ANKS6: variants seen among roughly 807,000 people sequenced by gnomAD.
The protein encoded by ANKS6 is ankyrin repeat and sterile alpha motif domain containing 6, also known as ankyrin repeat and SAM domain-containing protein 6.
A neutral mutation model predicts 77.9 loss-of-function variants in ANKS6; 47 were observed. The ratio of observed to expected loss-of-function variants is 0.60; its 90% CI spans 0.48 to 0.77. ANKS6 has a LOEUF of 0.77. ANKS6 is among the 30% of genes least tolerant of loss of function. The pLI is 0.00. For synonymous variants in ANKS6, 488 were observed against 501.7 expected (o/e 0.97, Z 0.37); for missense variants, 1,150 against 1,159.1 (o/e 0.99, Z 0.11).
At chr9:98,779,865 T>C (rs1834137829) in intron 6 of ANKS6, among the ~76,000 whole-genome samples, 2 of 152,066 alleles carry the variant, frequency 1.3e-5, no homozygotes, top group African/African-American at 2.4e-5. Flanking sequence ...GGTTTCACCG[T>C]GTTAGCCAGG....
At chr9:98,763,929 T>G (rs114995871) in intron 11 of ANKS6, among the ~76,000 whole-genome samples, 1 of 152,090 alleles carries the variant, frequency 6.6e-6, no homozygotes, top group African/African-American at 2.4e-5. Context: ...CAAGTAGAAA[T>G]AGAACACCTG....
At chr9:98,771,100 G>T in intron 9 of ANKS6, 54 bp from the exon 10 acceptor site, 2 of 1,438,892 alleles carry the variant, frequency 1.4e-6, no homozygotes. Flanking sequence ...CCCTCCAGCC[G>T]TGCAGGATCA....
At chr9:98,742,544 T>C (rs1165546665) in intron 14 of ANKS6, among the ~76,000 whole-genome samples, 1 of 152,206 alleles carries the variant, frequency 6.6e-6, no homozygotes, top group East Asian at 1.9e-4. Context: ...CTTTATCTGG[T>C]ATTATTTACT....
At position 98,765,286 on chromosome 9, in the gene ANKS6, A is replaced by T. The variant is rs145008592; in HGVS notation, c.2142+2795T>A. ...TGGGGAAGAGGTGGGTAAATATAAGATTATTTGGGATTCTGTGAAATATTT... is the reference window on the plus strand; with the variant it reads ...TGGGGAAGAGGTGGGTAAATATAAGTTTATTTGGGATTCTGTGAAATATTT... On this transcript the variant is annotated intron_variant, in intron 11 of 14. Transcript: ENST00000353234. Among the ~76,000 whole-genome samples, 6 of 152,278 alleles carry T rather than the reference A, an allele frequency of 3.9e-5. No individual in the cohort carries two copies. The East Asian group carries it at 1.2e-3, about 29-fold the overall frequency.
At chr9:98,782,354 C>T in intron 5 of ANKS6, 113 bp downstream of exon 5, 1 of 941,134 alleles carries the variant, frequency 1.1e-6, no homozygotes, top group Middle Eastern at 2.3e-4. Context: ...GAGTGACTTT[C>T]CCCCACGAAT....
chr9:98,779,494 G>A (rs1434006773), intron 6 of ANKS6, among the ~76,000 whole-genome samples: 1 of 151,920 alleles, frequency 6.6e-6, no homozygotes. Context: ...TATAAATTAA[G>A]ATTCCATATC....
intron 10 of ANKS6, among the ~76,000 whole-genome samples, chr9:98,770,592 T>C (rs1241479057): frequency 1.3e-5 from 2 of 152,132 alleles, no homozygotes. Flanking sequence ...GGGTCTAACC[T>C]TCAGAGATTT....
At chr9:98,753,879 T>C (rs188303112) in intron 12 of ANKS6, among the ~76,000 whole-genome samples, 63 of 152,344 alleles carry the variant, frequency 4.1e-4, no homozygotes, top group Non-Finnish European at 7.9e-4. Context: ...TATATTTCTA[T>C]AATTCAGTTA....
At chr9:98,737,497 A>T (rs1203552332) in intron 14 of ANKS6, among the ~76,000 whole-genome samples, 2 of 152,222 alleles carry the variant, frequency 1.3e-5, no homozygotes, top group East Asian at 3.8e-4. Context: ...AAAATAAAAA[A>T]AAAAAATACT....
chr9:98,736,477 C>G lies in ANKS6; in HGVS notation c.*42G>C, dbSNP rs933082524. 9.6e-6 allele frequency: 15 copies of G among 1,563,114 alleles called. No individual in the cohort carries two copies. The highest frequency in any genetic ancestry group is 1.3e-5 in the Non-Finnish European group (15 of 1,152,486). On this transcript the variant is annotated 3_prime_UTR_variant, in exon 15 of 15. Transcript: ENST00000353234. ...GGGCTGTGGCCACGTGAAGGGGTCC[C>G]GGGATTCAGAGAGCTCACGCTGGTG...
At chr9:98,751,788 A>G (rs918428946) in intron 12 of ANKS6, among the ~76,000 whole-genome samples, 1 of 152,120 alleles carries the variant, frequency 6.6e-6, no homozygotes, top group African/African-American at 2.4e-5. Flanking sequence ...AGACAATAAG[A>G]AGGCTGACAG....
chr9:98,787,388 T>TA lies in ANKS6; in HGVS notation c.863-2513dup, dbSNP rs759474807. Among the ~76,000 whole-genome samples, 39 of 148,736 alleles carry TA rather than the reference T, an allele frequency of 2.6e-4. 1 individual carries two copies. In the South Asian group the frequency reaches 7.2e-3, roughly 27 times the overall value. On this transcript the variant is annotated intron_variant, in intron 2 of 14. Coordinates refer to ENST00000353234, the MANE Select transcript of ANKS6 (RefSeq NM_173551.5). ...TACACTGCCCTTTTTTTTTTTTTTT[T>TA]AACCCTGTGGCACTTACCACCTATC...
chr9:98,787,765 A>G (rs933408621), intron 2 of ANKS6, among the ~76,000 whole-genome samples: 1 of 152,236 alleles, frequency 6.6e-6, no homozygotes, highest in Non-Finnish European at 1.5e-5. Context: ...TGCAGGGCCA[A>G]TTAAGATGAC....
At position 98,732,646 on chromosome 9, in the gene ANKS6, C is replaced by T. The variant is rs1028710610; in HGVS notation, c.*3873G>A. The T allele has an allele frequency of 4.8e-5, 73 of 1,535,064 alleles. No individual in the cohort carries two copies. Among genetic ancestry groups the T allele is most frequent in the Admixed American group, 2.6e-4 (13 of 49,296 alleles). ...TCTTTGAGGTTTCCCACATCTGCACCGCTCCACAGTGTGAAAAGGGCTTTC... is the reference window on the plus strand; with the variant it reads ...TCTTTGAGGTTTCCCACATCTGCACTGCTCCACAGTGTGAAAAGGGCTTTC... On this transcript the variant is annotated 3_prime_UTR_variant, in exon 15 of 15. Transcript: ENST00000353234.
chr9:98,733,848 A>G lies in ANKS6; in HGVS notation c.*2671T>C, dbSNP rs1292735702. 11 of 985,192 alleles carry G rather than the reference A, an allele frequency of 1.1e-5. No homozygotes were observed. The highest frequency in any genetic ancestry group is 1.3e-5 in the Non-Finnish European group (11 of 829,906). The allele number at this position is 985,192 out of a possible 1,614,324, so 61.0% of individuals were successfully genotyped here. ...CACACCCTACGTTTCTTTATGAAAA[A>G]CCTATTATCCTGTGGAACTAGGGTT... On this transcript the variant is annotated 3_prime_UTR_variant, in exon 15 of 15. Coordinates refer to ENST00000353234, the MANE Select transcript of ANKS6 (RefSeq NM_173551.5).
At chr9:98,773,085 T>A (rs990391767) in intron 9 of ANKS6, among the ~76,000 whole-genome samples, 32 of 152,006 alleles carry the variant, frequency 2.1e-4, no homozygotes, top group Admixed American at 2.0e-3. Flanking sequence ...GTTCTACAAC[T>A]CCCCCGTTCC....
At chr9:98,741,974 TC>T (rs1831858827) in intron 14 of ANKS6, among the ~76,000 whole-genome samples, 1 of 152,240 alleles carries the variant, frequency 6.6e-6, no homozygotes, top group South Asian at 2.1e-4. Context: ...GTCCCTTCTA[TC>T]TGCAAAAGCA....
rs1831448893 is a variant in ANKS6, at chr9:98,735,499, G to A, written c.*1020C>T. On this transcript the variant is annotated 3_prime_UTR_variant, in exon 15 of 15. Transcript: ENST00000353234. ...ACTACACAAGCCAATTCCCTTTTGAGGAACACAGCATTAATAGGATGTAGA... is the reference window on the plus strand; with the variant it reads ...ACTACACAAGCCAATTCCCTTTTGAAGAACACAGCATTAATAGGATGTAGA... 8.1e-7 allele frequency: 1 copy of A among 1,227,740 alleles called. No individual in the cohort carries two copies. Among genetic ancestry groups the A allele is most frequent in the Non-Finnish European group, 1.0e-6 (1 of 986,186 alleles). 76.1% of individuals were successfully genotyped at this position (1,227,740 alleles called of 1,614,324 possible).
At chr9:98,749,007 C>A (rs1832289357) in intron 13 of ANKS6, among the ~76,000 whole-genome samples, 1 of 152,048 alleles carries the variant, frequency 6.6e-6, no homozygotes, top group South Asian at 2.1e-4. Flanking sequence ...CTGAGAAGTA[C>A]CCCTGAAGCT....
Sources: gnomAD v4.1 joint callset for allele counts (sites outside exome capture counted in the v4.1 genomes callset) on GRCh38, gnomAD v4.1.1 for gene constraint, MANE v1.5 for transcripts, NCBI Gene and HGNC (gene_info 2026-07-23, HGNC 2026-07-21) for gene names.